The following SVIL variants were observed in gnomAD, a reference collection of about 807,000 sequenced individuals.
SVIL encodes the protein archvillin.
Under a neutral mutation model 240.4 loss-of-function variants are expected in SVIL, and 101 were observed. The ratio of observed to expected loss-of-function variants is 0.42; its 90% CI spans 0.36 to 0.50. The LOEUF is 0.50. Ranked by LOEUF, SVIL falls within the 20% of genes least tolerant of loss-of-function variation. The probability of loss-of-function intolerance (pLI) is 0.01; values close to 1 mark genes in which losing one functional copy is unlikely to be tolerated. For synonymous variants in SVIL, 999 were observed against 1,100.0 expected (o/e 0.91, Z 1.82); for missense variants, 2,512 against 2,818.7 (o/e 0.89, Z 2.46).
intron 33 of SVIL, among the ~76,000 whole-genome samples, chr10:29,466,192 T>C (rs1478321921): frequency 3.3e-5 from 5 of 151,554 alleles, no homozygotes; most frequent in Non-Finnish European, 5.9e-5. Context: ...CACAGATATA[T>C]GTATGTGTAT....
chr10:29,609,997 C>A (rs1311422379), intron 1 of SVIL, among the ~76,000 whole-genome samples: 2 of 152,214 alleles, frequency 1.3e-5, no homozygotes, highest in Non-Finnish European at 2.9e-5. Flanking sequence ...CCCTAAGGAT[C>A]CTGTGACACT....
chr10:29,469,924 GA>G (rs1945363314), intron 32 of SVIL, among the ~76,000 whole-genome samples: 1 of 152,286 alleles, frequency 6.6e-6, no homozygotes, highest in East Asian at 1.9e-4. Flanking sequence ...CCACAAATTT[GA>G]AATGTGCTCC....
chr10:29,734,841 G>A (rs1217177551), intron 1 of SVIL, among the ~76,000 whole-genome samples: 1 of 152,184 alleles, frequency 6.6e-6, no homozygotes, highest in Non-Finnish European at 1.5e-5. Flanking sequence ...CTGTGCTAGG[G>A]TTTGCACAGG....
chr10:29,554,317 A>T, intron 5 of SVIL, among the ~76,000 whole-genome samples: 1 of 152,028 alleles, frequency 6.6e-6, no homozygotes, highest in East Asian at 1.9e-4. Context: ...TCTAAAAAAA[A>T]TAAAAATAAA....
intron 16 of SVIL, among the ~76,000 whole-genome samples, chr10:29,518,891 A>G (rs1950386349): frequency 6.6e-6 from 1 of 152,154 alleles, no homozygotes; most frequent in South Asian, 2.1e-4. Flanking sequence ...TAAATGAGAG[A>G]TCATGTACAA....
rs184716609 is a variant in SVIL, at chr10:29,529,345, T to C, written c.2246+360A>G. ...AGCACAGGAGGAAAGGGGAAATGAA[T>C]GGCACACGGGCTGAGCATCACCGGC... is the stretch of plus-strand genomic sequence containing the variant. On this transcript the variant is annotated intron_variant, in intron 12 of 37. Transcript: ENST00000355867. Among the ~76,000 whole-genome samples the C allele has an allele frequency of 2.3e-3, 343 of 151,562 alleles. 6 individuals carry two copies. In the South Asian group the frequency reaches 0.026, roughly 11 times the overall value.
In SVIL at chr10:29,463,651, C is replaced by T. The variant is rs1483343364; in HGVS notation, c.6134-16G>A. 1 of 1,612,082 alleles carries T rather than the reference C, an allele frequency of 6.2e-7. No homozygotes were observed. The highest frequency in any genetic ancestry group is 1.3e-5 in the African/African-American group (1 of 74,914). On this transcript the variant is annotated splice_polypyrimidine_tract_variant and intron_variant, in intron 34 of 37. Transcript: ENST00000355867. ...AGGAAAAGTGCTGTGAGGGCAGGGA[C>T]AGGGCCAGACCATCAGGAGCTCCTT...
At chr10:29,694,041 T>A (rs572120752) in intron 1 of SVIL, among the ~76,000 whole-genome samples, 1 of 152,038 alleles carries the variant, frequency 6.6e-6, no homozygotes, top group African/African-American at 2.4e-5. Context: ...CCCAGTGTCC[T>A]CTCCCATCCC....
intron 2 of SVIL, among the ~76,000 whole-genome samples, chr10:29,678,567 G>T (rs1312430414): frequency 6.6e-6 from 1 of 152,194 alleles, no homozygotes; most frequent in African/African-American, 2.4e-5. Flanking sequence ...ATGGCCCAGG[G>T]GTTGGGGACC....
In SVIL at chr10:29,589,492, A is replaced by G. The variant is rs556862350; in HGVS notation, c.-200-20180T>C. On this transcript the variant is annotated intron_variant, in intron 1 of 37. Coordinates refer to ENST00000355867, the MANE Select transcript of SVIL (RefSeq NM_021738.3). Reference sequence around the variant, plus strand: ...AGGCTGGCATTTGTTTATTTTAATGACAAGCAGCTAATTTCCTACTGTTTA... The same window carrying G: ...AGGCTGGCATTTGTTTATTTTAATGGCAAGCAGCTAATTTCCTACTGTTTA... Among the ~76,000 whole-genome samples, 27 of 152,302 alleles carry G rather than the reference A, an allele frequency of 1.8e-4. No homozygotes were observed. The South Asian group carries it at 5.6e-3, about 32-fold the overall frequency.
rs189789949 is a variant in SVIL at position 29,492,212 on chromosome 10, A to G, written c.4019+1002T>C. On this transcript the variant is annotated intron_variant, in intron 21 of 37. Coordinates refer to ENST00000355867, the MANE Select transcript of SVIL (RefSeq NM_021738.3). ...TTACCCAGTCAGCATCTTCTATCCC[A>G]TTGGCCACAGTGACTGGTTTAGGGA... 5.5e-3 allele frequency among the ~76,000 whole-genome samples: 843 copies of G among 152,084 alleles called. 2 individuals are homozygous for G. Among genetic ancestry groups the G allele is most frequent in the Non-Finnish European group, 6.8e-3 (465 of 67,992 alleles).
rs538563660 is a variant in SVIL at position 29,648,998 on chromosome 10, A to C, written c.-201+8971T>G. Among the ~76,000 whole-genome samples, 9 of 152,132 alleles carry C rather than the reference A, an allele frequency of 5.9e-5. No individual in the cohort carries two copies. The East Asian group carries it at 1.7e-3, about 29-fold the overall frequency. The stretch of plus-strand genomic sequence containing the variant: ...CACACAAAAAAAACAAAAAACAAAA[A>C]ACACATTAAAAATTAGCCAGGCATT... On this transcript the variant is annotated intron_variant, in intron 3 of 35. Transcript: ENST00000375400.
intron 6 of SVIL, among the ~76,000 whole-genome samples, chr10:29,544,711 C>G (rs956317315): frequency 1.4e-4 from 19 of 137,980 alleles, no homozygotes; most frequent in Non-Finnish European, 1.7e-4. Flanking sequence ...TGAGATTGTG[C>G]TACTGCTGCA....
intron 1 of SVIL, among the ~76,000 whole-genome samples, chr10:29,713,563 A>G (rs1047895302): frequency 1.3e-5 from 2 of 152,126 alleles, no homozygotes; most frequent in Admixed American, 1.3e-4. Flanking sequence ...CCAGATGGTA[A>G]ATATATTTTT....
chr10:29,607,018 G>T (rs963295505), intron 1 of SVIL, among the ~76,000 whole-genome samples: 1 of 152,218 alleles, frequency 6.6e-6, no homozygotes, highest in Non-Finnish European at 1.5e-5. Context: ...ACCTCCCAAA[G>T]TGCTGAAATT....
At chr10:29,597,476 G>A (rs905767886) in intron 1 of SVIL, among the ~76,000 whole-genome samples, 2 of 152,146 alleles carry the variant, frequency 1.3e-5, no homozygotes, top group Non-Finnish European at 2.9e-5. Context: ...CTGGAGAGCA[G>A]TGGCAATCTT....
chr10:29,640,265 A>G (rs1325163965), intron 3 of SVIL, among the ~76,000 whole-genome samples: 2 of 152,092 alleles, frequency 1.3e-5, no homozygotes, highest in Non-Finnish European at 2.9e-5. Flanking sequence ...TGTGGCCTGT[A>G]TGGTATCTGG....
At chr10:29,676,703 A>G (rs542496825) in intron 2 of SVIL, among the ~76,000 whole-genome samples, 1 of 152,294 alleles carries the variant, frequency 6.6e-6, no homozygotes, top group Non-Finnish European at 1.5e-5. Flanking sequence ...TGAGCTGGAC[A>G]TTGGTTTGGA....
intron 2 of SVIL, 105 bp from the exon 3 acceptor site, chr10:29,563,397 T>G: frequency 9.1e-6 from 3 of 330,998 alleles, no homozygotes; most frequent in Non-Finnish European, 1.3e-5. Context: ...TCATTCAATA[T>G]GTACACATAG....
Sources: gnomAD v4.1 joint callset for allele counts (sites outside exome capture counted in the v4.1 genomes callset) on GRCh38, gnomAD v4.1.1 for gene constraint, MANE v1.5 for transcripts, NCBI Gene and HGNC (gene_info 2026-07-23, HGNC 2026-07-21) for gene names.